The following SYN3 variants were observed in gnomAD, a reference collection of about 807,000 sequenced individuals.
The protein encoded by SYN3 is synapsin III.
In SYN3, 35 loss-of-function variants were observed where a neutral mutation model predicts 65.8. The ratio of observed to expected loss-of-function variants is 0.53; its 90% CI spans 0.41 to 0.70. SYN3 has a LOEUF of 0.70. Ranked by LOEUF, SYN3 falls within the 30% of genes least tolerant of loss-of-function variation. The pLI, the probability that SYN3 is intolerant of heterozygous loss-of-function variation, is 0.00. For synonymous variants in SYN3, 270 were observed against 292.9 expected (o/e 0.92, Z 0.80); for missense variants, 680 against 749.0 (o/e 0.91, Z 1.08).
intron 6 of SYN3, among the ~76,000 whole-genome samples, chr22:32,831,373 T>G (rs992681995): frequency 2.0e-5 from 3 of 151,844 alleles, no homozygotes; most frequent in African/African-American, 7.3e-5. Flanking sequence ...AGCATTAGAG[T>G]GGGCTGATAT....
At chr22:32,858,393 G>A (rs1222071513) in intron 6 of SYN3, among the ~76,000 whole-genome samples, 1 of 152,170 alleles carries the variant, frequency 6.6e-6, no homozygotes, top group Non-Finnish European at 1.5e-5. Flanking sequence ...AAGCTGCTGG[G>A]GCATGAGGGC....
At chr22:32,625,517 T>A (rs1382169559) in intron 6 of SYN3, among the ~76,000 whole-genome samples, 5 of 152,238 alleles carry the variant, frequency 3.3e-5, no homozygotes, top group Admixed American at 3.3e-4. Context: ...GCCTTGCTTT[T>A]TGTTTCTTGG....
Position 32,513,801 on chromosome 22 carries a change from C to T in SYN3, c.1634G>A (p.Ser545Asn). The change falls in exon 14 of 14, where the codon AGC (serine) becomes AAC (asparagine). Residue 545 changes from serine (S) to asparagine (N), a missense_variant. Ser to Asn is a conservative substitution (Grantham distance 46). Transcript: ENST00000358763. ...HLNKSQSLTN[S>N]LSTSDTSQRG... ...CTGGGAGGTGTCGGATGTGCTGAGG[C>T]TGTTAGTCAGGGACTGAGATTTGCT... 6.2e-7 allele frequency: 1 copy of T among 1,614,138 alleles called. No homozygotes were observed. Among genetic ancestry groups the T allele is most frequent in the Non-Finnish European group, 8.5e-7 (1 of 1,180,050 alleles).
chr22:32,755,991 T>C (rs1023302855), intron 6 of SYN3, among the ~76,000 whole-genome samples: 1 of 151,708 alleles, frequency 6.6e-6, no homozygotes, highest in African/African-American at 2.4e-5. Context: ...AAACGCCGCA[T>C]GTTTTTACTC....
intron 7 of SYN3, among the ~76,000 whole-genome samples, chr22:32,565,046 A>ACTGCACCCAAACAGTGC (rs2058651123): frequency 5.3e-5 from 3 of 56,366 alleles, no homozygotes; most frequent in Admixed American, 1.7e-4. Context: ...CCAAACAGTG[A>ACTGCACCCAAACAGTGC]TCTCAGACTG....
intron 1 of SYN3, among the ~76,000 whole-genome samples, chr22:33,025,587 T>A (rs1196955246): frequency 6.7e-6 from 1 of 150,138 alleles, no homozygotes; most frequent in Admixed American, 6.7e-5. Context: ...TGAGCTGAGA[T>A]CGCACCACTG....
At chr22:32,835,830 A>C (rs1228996074) in intron 6 of SYN3, among the ~76,000 whole-genome samples, 2 of 152,292 alleles carry the variant, frequency 1.3e-5, no homozygotes, top group Admixed American at 1.3e-4. Flanking sequence ...CCCAGCTTGT[A>C]AGTGGAGATT....
intron 6 of SYN3, among the ~76,000 whole-genome samples, chr22:32,612,337 G>C (rs2858228): frequency 6.6e-6 from 1 of 152,062 alleles, no homozygotes; most frequent in African/African-American, 2.4e-5. Context: ...TCTGAAGTGG[G>C]GGACAGTCTT....
intron 6 of SYN3, among the ~76,000 whole-genome samples, chr22:32,803,432 A>T (rs1192643863): frequency 6.6e-6 from 1 of 151,916 alleles, no homozygotes; most frequent in Non-Finnish European, 1.5e-5. Flanking sequence ...GGGTGTGGTG[A>T]CCAGAATGTC....
chr22:32,966,412 G>A (rs888487145), intron 3 of SYN3, among the ~76,000 whole-genome samples: 5 of 152,182 alleles, frequency 3.3e-5, no homozygotes, highest in East Asian at 1.9e-4. Context: ...TGGTGAGACC[G>A]AAGTCTAAGG....
At chr22:32,919,450 G>A (rs1029346824) in intron 4 of SYN3, among the ~76,000 whole-genome samples, 1 of 152,158 alleles carries the variant, frequency 6.6e-6, no homozygotes, top group African/African-American at 2.4e-5. Context: ...GGCACATAAT[G>A]AATGAAAGGA....
chr22:33,021,784 A>ATTT (rs57313381), intron 1 of SYN3, among the ~76,000 whole-genome samples: 8 of 141,720 alleles, frequency 5.6e-5, no homozygotes, highest in Admixed American at 4.2e-4. Flanking sequence ...ACTGTAACTT[A>ATTT]TTTTTTTTTT....
intron 10 of SYN3, 174 bp from the exon 11 acceptor site, chr22:32,529,182 T>G (rs2058030791): frequency 2.7e-6 from 2 of 735,412 alleles, no homozygotes; most frequent in Non-Finnish European, 2.2e-6. Context: ...TCAGTTCCCT[T>G]CGGTTCAGTC....
At chr22:32,850,377 C>T (rs1279574840) in intron 6 of SYN3, among the ~76,000 whole-genome samples, 1 of 152,024 alleles carries the variant, frequency 6.6e-6, no homozygotes, top group Non-Finnish European at 1.5e-5. Context: ...GCATTCTAAG[C>T]ACCCTGGGAT....
At chr22:33,015,046 C>T (rs1450507422) in intron 1 of SYN3, 1 of 172,814 alleles carries the variant, frequency 5.8e-6, no homozygotes, top group Non-Finnish European at 1.4e-5. Flanking sequence ...TGATGAAACC[C>T]CGTCTCTACT....
At chr22:32,598,145 C>T (rs2059229574) in intron 6 of SYN3, among the ~76,000 whole-genome samples, 1 of 152,170 alleles carries the variant, frequency 6.6e-6, no homozygotes, top group Non-Finnish European at 1.5e-5. Context: ...CCATGGACAG[C>T]ACTGTCTGTC....
At chr22:32,529,066 C>CATCA (rs1248217023) in intron 10 of SYN3, 58 bp from the exon 11 acceptor site, 3 of 1,608,004 alleles carry the variant, frequency 1.9e-6, no homozygotes, top group Non-Finnish European at 2.5e-6. Flanking sequence ...GGCGGTTGGG[C>CATCA]ATCACATCCC....
chr22:32,821,513 G>A (rs2047245617), intron 6 of SYN3, among the ~76,000 whole-genome samples: 1 of 152,194 alleles, frequency 6.6e-6, no homozygotes, highest in Admixed American at 6.5e-5. Context: ...AAAGGTGAAT[G>A]ACCTGGTTAA....
chr22:32,759,664 G>T, intron 6 of SYN3, among the ~76,000 whole-genome samples: 1 of 89,320 alleles, frequency 1.1e-5, no homozygotes, highest in Non-Finnish European at 2.4e-5. Flanking sequence ...CCCCCAGCCA[G>T]CACCCACGGC....
Sources: gnomAD v4.1 joint callset for allele counts (sites outside exome capture counted in the v4.1 genomes callset) on GRCh38, gnomAD v4.1.1 for gene constraint, MANE v1.5 for transcripts, NCBI Gene and HGNC (gene_info 2026-07-23, HGNC 2026-07-21) for gene names.